The following MAST4 variants were observed in gnomAD, a reference collection of about 807,000 sequenced individuals.
The protein encoded by MAST4 is microtubule associated serine/threonine kinase family member 4.
In MAST4, 89 loss-of-function variants were observed where a neutral mutation model predicts 162.7. That is an observed-to-expected ratio of 0.55 (90% CI 0.46 to 0.65). The LOEUF is 0.65. MAST4 is among the 30% of genes least tolerant of loss of function. The pLI is 0.00. For synonymous variants in MAST4, 1,479 were observed against 1,361.1 expected, an observed-to-expected ratio of 1.09 and a Z score of -1.91; for missense variants, 3,153 against 3,374.0, an observed-to-expected ratio of 0.93 and a Z score of 1.62.
At chr5:67,150,309 G>C (rs1375288886) in intron 24 of MAST4, among the ~76,000 whole-genome samples, 1 of 152,252 alleles carries the variant, frequency 6.6e-6, no homozygotes, top group Non-Finnish European at 1.5e-5. Context: ...CAGCAAGAGA[G>C]TAGAATGGGA....
rs140951285 is a variant in MAST4 at position 66,651,725 on chromosome 5, A to G, written c.363+54707A>G. Among the ~76,000 whole-genome samples, 1,028 of 152,260 alleles carry G rather than the reference A, an allele frequency of 6.8e-3. 2 individuals are homozygous for G. Among genetic ancestry groups the G allele is most frequent in the South Asian group, 0.029 (139 of 4,822 alleles). ...TTGGCCTCAACTCTTTCACAGCACT[A>G]CACTCTAGGTGTCAAGCCAGGCCTG... On this transcript the variant is annotated intron_variant, in intron 1 of 28. Transcript: ENST00000403625.
intron 1 of MAST4, among the ~76,000 whole-genome samples, chr5:66,716,387 CG>C (rs1467637278): frequency 6.6e-6 from 1 of 152,050 alleles, no homozygotes; most frequent in South Asian, 2.1e-4. Context: ...GGGTCTTACT[CG>C]GTTGCCCAGC....
chr5:66,824,225 G>C (rs188358517), intron 3 of MAST4, among the ~76,000 whole-genome samples: 1 of 152,308 alleles, frequency 6.6e-6, no homozygotes, highest in East Asian at 1.9e-4. Flanking sequence ...AAGATGTTTA[G>C]GAGAGATCCC....
chr5:66,770,961 T>C (rs1386270784), intron 2 of MAST4, among the ~76,000 whole-genome samples: 1 of 152,098 alleles, frequency 6.6e-6, no homozygotes, highest in Non-Finnish European at 1.5e-5. Context: ...AATTTCAAGA[T>C]TACTGGGGCA....
At chr5:66,998,113 C>T (rs1750880680) in intron 4 of MAST4, among the ~76,000 whole-genome samples, 1 of 152,174 alleles carries the variant, frequency 6.6e-6, no homozygotes, top group Non-Finnish European at 1.5e-5. Flanking sequence ...ATAAATTAAC[C>T]TTAATCTTAA....
At chr5:67,062,823 A>T (rs557542188) in intron 5 of MAST4, among the ~76,000 whole-genome samples, 1 of 152,284 alleles carries the variant, frequency 6.6e-6, no homozygotes, top group Admixed American at 6.5e-5. Context: ...AAAAAAAAAT[A>T]TGTCAGTCTC....
At chr5:66,975,763 G>A (rs540110877) in intron 4 of MAST4, among the ~76,000 whole-genome samples, 1 of 152,306 alleles carries the variant, frequency 6.6e-6, no homozygotes, top group East Asian at 1.9e-4. Context: ...GGAGGCCGAA[G>A]CAGGTGGATC....
chr5:66,711,212 A>G (rs923588374), intron 1 of MAST4, among the ~76,000 whole-genome samples: 7 of 152,120 alleles, frequency 4.6e-5, no homozygotes, highest in Non-Finnish European at 8.8e-5. Flanking sequence ...TTCTATTATT[A>G]TTTACCTATT....
At chr5:67,126,443 A>G (rs1373950005) in intron 14 of MAST4, among the ~76,000 whole-genome samples, 1 of 152,208 alleles carries the variant, frequency 6.6e-6, no homozygotes, top group Non-Finnish European at 1.5e-5. Flanking sequence ...AAAGGGATCC[A>G]GTTTCAACTT....
chr5:67,011,008 TACTC>T (rs1291893032), intron 4 of MAST4, among the ~76,000 whole-genome samples: 1 of 152,172 alleles, frequency 6.6e-6, no homozygotes, highest in Non-Finnish European at 1.5e-5. Context: ...CATATCCCCT[TACTC>T]ACTGTTGCTC....
chr5:66,921,891 T>C (rs1764564933), intron 4 of MAST4, among the ~76,000 whole-genome samples: 1 of 152,236 alleles, frequency 6.6e-6, no homozygotes, highest in Non-Finnish European at 1.5e-5. Context: ...TATTATCTTC[T>C]TGTGAAAATG....
At position 66,847,832 on chromosome 5, in the gene MAST4, AAAAAAAAAAAAG is replaced by A. The variant is rs1758981840; in HGVS notation, c.643-52113_643-52102del. On this transcript the variant is annotated intron_variant, in intron 3 of 28. Coordinates refer to ENST00000403625, the MANE Select transcript of MAST4 (RefSeq NM_001164664.2). ...CAAGACTCCTTCTCAAAAAAAAAAAAAAAAAAAAAAAGAAAAACCTTAACAGTAGCTCAAAGC... is the reference window on the plus strand; with the variant it reads ...CAAGACTCCTTCTCAAAAAAAAAAAAAAAAACCTTAACAGTAGCTCAAAGC... 2.6e-5 allele frequency among the ~76,000 whole-genome samples: 4 copies of A among 151,104 alleles called. No homozygotes were observed. In the East Asian group the frequency reaches 7.8e-4, roughly 29 times the overall value.
chr5:66,639,909 A>G (rs1054532442), intron 1 of MAST4, among the ~76,000 whole-genome samples: 1 of 152,150 alleles, frequency 6.6e-6, no homozygotes, highest in Non-Finnish European at 1.5e-5. Context: ...GCCAATTGAT[A>G]TATCTATCAT....
chr5:67,005,210 A>G (rs1751863102), intron 4 of MAST4: 1 of 673,818 alleles, frequency 1.5e-6, no homozygotes, highest in Admixed American at 2.3e-5. Flanking sequence ...TGAAAAGTTT[A>G]TGCCCCGCTA....
intron 2 of MAST4, among the ~76,000 whole-genome samples, chr5:66,783,948 C>T (rs990216523): frequency 1.3e-5 from 2 of 152,050 alleles, no homozygotes; most frequent in Non-Finnish European, 1.5e-5. Context: ...CTCATTGAGC[C>T]AGGGTCCTAG....
chr5:67,074,945 C>G (rs1471439046), intron 5 of MAST4, among the ~76,000 whole-genome samples: 1 of 152,120 alleles, frequency 6.6e-6, no homozygotes, highest in Non-Finnish European at 1.5e-5. Flanking sequence ...TGCTTTCACC[C>G]TCACCATCTG....
intron 1 of MAST4, among the ~76,000 whole-genome samples, chr5:66,693,462 C>G (rs892772834): frequency 1.3e-5 from 2 of 152,060 alleles, no homozygotes; most frequent in African/African-American, 4.8e-5. Flanking sequence ...GTTGAACTAC[C>G]AAGTGTGTGT....
intron 3 of MAST4, among the ~76,000 whole-genome samples, chr5:66,789,495 A>G (rs1359720869): frequency 2.0e-5 from 3 of 152,120 alleles, no homozygotes; most frequent in Admixed American, 6.5e-5. Flanking sequence ...CTTTTATGAC[A>G]TTTGACATTT....
intron 1 of MAST4, among the ~76,000 whole-genome samples, chr5:66,746,034 C>T (rs1236650558): frequency 6.6e-6 from 1 of 152,184 alleles, no homozygotes; most frequent in Non-Finnish European, 1.5e-5. Flanking sequence ...GTGCACCAGT[C>T]ATCTTTCTAA....
Sources: gnomAD v4.1 joint callset for allele counts (sites outside exome capture counted in the v4.1 genomes callset) on GRCh38, gnomAD v4.1.1 for gene constraint, MANE v1.5 for transcripts, NCBI Gene and HGNC (gene_info 2026-07-23, HGNC 2026-07-21) for gene names.